The following DHRSX variants were observed in gnomAD, a reference collection of about 807,000 sequenced individuals.
The protein encoded by DHRSX is polyprenol dehydrogenase.
In DHRSX, 31 loss-of-function variants were observed where a neutral mutation model predicts 34.0. That is an observed-to-expected ratio of 0.91 (90% CI 0.69 to 1.23). The LOEUF (loss-of-function observed/expected upper bound fraction) is 1.23. Ranked by LOEUF, DHRSX falls within the 50% of genes most tolerant of loss-of-function variation. DHRSX has a pLI of 0.00. For synonymous variants in DHRSX, 201 were observed against 183.8 expected, an observed-to-expected ratio of 1.09 and a Z score of -0.76; for missense variants, 414 against 428.1, an observed-to-expected ratio of 0.97 and a Z score of 0.29.
chrX:2,328,906 T>C (rs1022932198), intron 3 of DHRSX, among the ~76,000 whole-genome samples: 18 of 152,122 alleles, frequency 1.2e-4, no homozygotes, highest in Admixed American at 5.2e-4. Context: ...TATGTTACAC[T>C]GTGGGGAGGT....
intron 1 of DHRSX, among the ~76,000 whole-genome samples, chrX:2,457,730 G>A (rs2124682506): frequency 6.6e-6 from 1 of 151,542 alleles, no homozygotes; most frequent in Non-Finnish European, 1.5e-5. Flanking sequence ...CTAAGAATGT[G>A]GCCAAGGGAC....
intron 3 of DHRSX, among the ~76,000 whole-genome samples, chrX:2,297,913 G>A (rs1408523880): frequency 1.3e-5 from 2 of 151,854 alleles, no homozygotes; most frequent in Non-Finnish European, 2.9e-5. Flanking sequence ...CCGCCACCAC[G>A]CCCGGCTTAT....
intron 1 of DHRSX, among the ~76,000 whole-genome samples, chrX:2,447,225 G>C (rs2044150315): frequency 6.6e-6 from 1 of 151,810 alleles, no homozygotes; most frequent in Non-Finnish European, 1.5e-5. Flanking sequence ...TATTCCCTAA[G>C]AATGTGGCCA....
chrX:2,470,037 G>A (rs952325771), intron 1 of DHRSX, among the ~76,000 whole-genome samples: 1 of 151,810 alleles, frequency 6.6e-6, no homozygotes, highest in African/African-American at 2.4e-5. Context: ...AGCAAATGTG[G>A]CATAGACACA....
chrX:2,249,153 A>G (rs1042941461), intron 5 of DHRSX, among the ~76,000 whole-genome samples: 1 of 151,248 alleles, frequency 6.6e-6, no homozygotes, highest in African/African-American at 2.4e-5. Flanking sequence ...TGGGAGAGCA[A>G]CTTCACAACA....
At chrX:2,336,922 T>C (rs993803680) in intron 3 of DHRSX, among the ~76,000 whole-genome samples, 5 of 152,074 alleles carry the variant, frequency 3.3e-5, no homozygotes, top group African/African-American at 7.2e-5. Flanking sequence ...TACATAGGTA[T>C]ACATGTGCCA....
chrX:2,365,957 G>A (rs1255422144), intron 3 of DHRSX, among the ~76,000 whole-genome samples: 9 of 152,080 alleles, frequency 5.9e-5, no homozygotes, highest in Non-Finnish European at 1.5e-5. Flanking sequence ...AGCGTTCTAT[G>A]AACCCCCTCT....
chrX:2,457,498 G>A (rs1465758106), intron 1 of DHRSX, among the ~76,000 whole-genome samples: 1 of 151,250 alleles, frequency 6.6e-6, no homozygotes, highest in Non-Finnish European at 1.5e-5. Flanking sequence ...GCAGCCAAGG[G>A]ACAGCACTCA....
At chrX:2,479,109 T>G (rs2044728894) in intron 1 of DHRSX, among the ~76,000 whole-genome samples, 1 of 147,584 alleles carries the variant, frequency 6.8e-6, no homozygotes, top group Admixed American at 6.7e-5. Context: ...ACCACAGCCA[T>G]GTACATACTG....
chrX:2,412,218 A>G (rs888824294), intron 2 of DHRSX, among the ~76,000 whole-genome samples: 2 of 152,172 alleles, frequency 1.3e-5, no homozygotes, highest in African/African-American at 4.8e-5. Flanking sequence ...GGAGGGCGTT[A>G]CATGTTATAT....
chrX:2,386,879 TTTG>T (rs1286835175), intron 3 of DHRSX, among the ~76,000 whole-genome samples: 2 of 129,410 alleles, frequency 1.5e-5, no homozygotes, highest in Non-Finnish European at 3.1e-5. Flanking sequence ...TATTGATGGT[TTTG>T]TTTTTTTTTT....
At chrX:2,317,151 T>C (rs2042249961) in intron 3 of DHRSX, among the ~76,000 whole-genome samples, 1 of 152,028 alleles carries the variant, frequency 6.6e-6, no homozygotes, top group Admixed American at 6.6e-5. Flanking sequence ...AGAGATGGGC[T>C]TTCACCACGT....
rs188798283 is a variant in DHRSX at position 2,358,354 on chromosome X, C to T, written c.286+50391G>A. 9.1e-4 allele frequency among the ~76,000 whole-genome samples: 138 copies of T among 152,264 alleles called. 1 individual carries two copies. Among genetic ancestry groups the T allele is most frequent in the African/African-American group, 3.2e-3 (134 of 41,560 alleles). On this transcript the variant is annotated intron_variant, in intron 3 of 6. Transcript: ENST00000334651. Reference sequence around the variant, plus strand: ...AAAAAAATCCCATTGAAAGCACACCCTTTGCCACGTCAGGCAAAGGACATG... The same window carrying T: ...AAAAAAATCCCATTGAAAGCACACCTTTTGCCACGTCAGGCAAAGGACATG...
At chrX:2,417,302 T>C (rs1276190157) in intron 2 of DHRSX, among the ~76,000 whole-genome samples, 1 of 152,202 alleles carries the variant, frequency 6.6e-6, no homozygotes, top group Admixed American at 6.5e-5. Context: ...CTCACATGTC[T>C]TCATTGCTTT....
intron 3 of DHRSX, among the ~76,000 whole-genome samples, chrX:2,347,254 G>A (rs1303329889): frequency 6.6e-6 from 1 of 152,268 alleles, no homozygotes; most frequent in South Asian, 2.1e-4. Flanking sequence ...GACAAGAGAA[G>A]AGAGCATGTG....
intron 5 of DHRSX, among the ~76,000 whole-genome samples, chrX:2,263,332 C>T (rs1479034338): frequency 1.3e-5 from 2 of 152,056 alleles, no homozygotes; most frequent in East Asian, 3.9e-4. Context: ...AAGGGGACCC[C>T]AGAGAGCTCC....
At chrX:2,298,189 G>T (rs2041957439) in intron 3 of DHRSX, among the ~76,000 whole-genome samples, 1 of 152,028 alleles carries the variant, frequency 6.6e-6, no homozygotes, top group Admixed American at 6.6e-5. Context: ...GGAGCTGGGG[G>T]AGGCCAAAAG....
intron 1 of DHRSX, among the ~76,000 whole-genome samples, chrX:2,435,597 C>G (rs1954728362): frequency 6.6e-6 from 1 of 152,076 alleles, no homozygotes; most frequent in Non-Finnish European, 1.5e-5. Context: ...GACCCCATCT[C>G]TACAAAGAAA....
intron 2 of DHRSX, among the ~76,000 whole-genome samples, chrX:2,413,816 C>T (rs1371811119): frequency 2.0e-5 from 3 of 152,124 alleles, no homozygotes; most frequent in Non-Finnish European, 4.4e-5. Context: ...TACACCTCAT[C>T]ATAACTTAAC....
Sources: gnomAD v4.1 joint callset for allele counts (sites outside exome capture counted in the v4.1 genomes callset) on GRCh38, gnomAD v4.1.1 for gene constraint, MANE v1.5 for transcripts, NCBI Gene and HGNC (gene_info 2026-07-23, HGNC 2026-07-21) for gene names.